The following SV2C variants were observed in gnomAD, a reference collection of about 807,000 sequenced individuals.
SV2C encodes the protein solute carrier family 22 member B3.
Under a neutral mutation model 79.7 loss-of-function variants are expected in SV2C, and 49 were observed. The ratio of observed to expected loss-of-function variants is 0.61; its 90% CI spans 0.49 to 0.78. The LOEUF (loss-of-function observed/expected upper bound fraction) is 0.78, where lower values mean the gene tolerates loss of function less well. Among genes scored for constraint, SV2C ranks in the 30% least tolerant of loss-of-function variants. SV2C has a pLI of 0.00. For missense variants in SV2C, 833 were observed against 912.9 expected, an observed-to-expected ratio of 0.91 and a Z score of 1.13; for synonymous variants, 334 against 333.2, an observed-to-expected ratio of 1.00 and a Z score of -0.03.
chr5:76,020,039 C>G, the SV2C span, among the ~76,000 whole-genome samples: 2 of 152,132 alleles, frequency 1.3e-5, no homozygotes, highest in African/African-American at 4.8e-5. Context: ...CCTACTGAGG[C>G]TGTGTGGGAA....
chr5:76,085,197 A>C (rs980150494), intron 1 of SV2C, among the ~76,000 whole-genome samples: 2 of 152,148 alleles, frequency 1.3e-5, no homozygotes, highest in South Asian at 4.1e-4. Context: ...TTTTCATGTG[A>C]ACGCCTAGGT....
intron 4 of SV2C, among the ~76,000 whole-genome samples, chr5:76,215,286 C>T (rs1259374434): frequency 6.6e-6 from 1 of 151,890 alleles, no homozygotes; most frequent in Admixed American, 6.6e-5. Context: ...CTGCTGGGAC[C>T]CTAGAACTTG....
At chr5:75,852,326 A>ATTATT in the SV2C span, among the ~76,000 whole-genome samples, 1 of 152,204 alleles carries the variant, frequency 6.6e-6, no homozygotes, top group African/African-American at 2.4e-5. Flanking sequence ...TAATTTAAAA[A>ATTATT]GTCAATTTAC....
At chr5:76,043,440 C>T in the SV2C span, among the ~76,000 whole-genome samples, 1 of 152,208 alleles carries the variant, frequency 6.6e-6, no homozygotes, top group African/African-American at 2.4e-5. Flanking sequence ...AAAAGTCACT[C>T]ATAGCTAGTA....
At chr5:76,310,935 G>A (rs181815156) in intron 12 of SV2C, among the ~76,000 whole-genome samples, 60 of 152,332 alleles carry the variant, frequency 3.9e-4, no homozygotes, top group African/African-American at 1.4e-3. Context: ...TAGCCTGGAA[G>A]CAAGTGGTCA....
the SV2C span, among the ~76,000 whole-genome samples, chr5:75,857,369 C>A: frequency 6.6e-6 from 1 of 151,980 alleles, no homozygotes; most frequent in Non-Finnish European, 1.5e-5. Flanking sequence ...AGAGTTATTC[C>A]TCTCCCCATT....
the SV2C span, among the ~76,000 whole-genome samples, chr5:75,892,312 C>T: frequency 1.1e-3 from 167 of 151,954 alleles, 1 homozygote; most frequent in Non-Finnish European, 9.0e-4. Flanking sequence ...TACATGTATA[C>T]GATGTGCAGT....
At chr5:76,242,311 G>T in intron 4 of SV2C, 1 of 1,467,406 alleles carries the variant, frequency 6.8e-7, no homozygotes, top group Non-Finnish European at 9.4e-7. Context: ...CGGCAGCGAC[G>T]GCAGCGGGAC....
chr5:76,347,145 G>A (rs1242696482), intron 12 of SV2C, among the ~76,000 whole-genome samples: 1 of 152,030 alleles, frequency 6.6e-6, no homozygotes, highest in African/African-American at 2.4e-5. Flanking sequence ...CCAAATTGAC[G>A]GCACGCTCAG....
the SV2C span, among the ~76,000 whole-genome samples, chr5:75,972,570 GA>G: frequency 6.6e-6 from 1 of 152,096 alleles, no homozygotes; most frequent in Non-Finnish European, 1.5e-5. Flanking sequence ...AAAAACACAT[GA>G]AAAAATGCTC....
chr5:76,050,483 C>T, the SV2C span, among the ~76,000 whole-genome samples: 10 of 152,140 alleles, frequency 6.6e-5, no homozygotes, highest in Non-Finnish European at 1.2e-4. Context: ...CAAGGTTCCC[C>T]CACAAGGGCT....
At chr5:76,129,606 A>G (rs1210031137) in intron 1 of SV2C, among the ~76,000 whole-genome samples, 1 of 152,218 alleles carries the variant, frequency 6.6e-6, no homozygotes, top group East Asian at 1.9e-4. Flanking sequence ...CTTGCCTCTT[A>G]CAGAGGTGGC....
the SV2C span, among the ~76,000 whole-genome samples, chr5:75,957,172 T>C: frequency 1.3e-5 from 2 of 151,914 alleles, no homozygotes; most frequent in African/African-American, 4.8e-5. Context: ...GCCTAGAAGC[T>C]CCTAAAATTT....
chr5:76,120,517 C>T (rs1169081294), intron 1 of SV2C, among the ~76,000 whole-genome samples: 2 of 106,086 alleles, frequency 1.9e-5, no homozygotes, highest in South Asian at 4.0e-4. Context: ...TCCCTCCCCC[C>T]TCCCCCCACC....
the SV2C span, among the ~76,000 whole-genome samples, chr5:75,869,582 C>T: frequency 2.6e-5 from 4 of 152,178 alleles, no homozygotes; most frequent in African/African-American, 9.7e-5. Flanking sequence ...TGGGAGGACT[C>T]ACCACCCTGA....
At chr5:75,934,312 T>C in the SV2C span, among the ~76,000 whole-genome samples, 1 of 144,510 alleles carries the variant, frequency 6.9e-6, no homozygotes, top group South Asian at 2.2e-4. Flanking sequence ...CTTTTTTTTT[T>C]TTTTTTTCAC....
At chr5:76,166,805 A>G (rs1743060057) in intron 2 of SV2C, among the ~76,000 whole-genome samples, 3 of 152,202 alleles carry the variant, frequency 2.0e-5, no homozygotes, top group South Asian at 2.1e-4. Context: ...AATGTCACAG[A>G]CCAAGCTTTC....
At chr5:76,190,928 A>G (rs893757530) in intron 2 of SV2C, among the ~76,000 whole-genome samples, 3 of 152,166 alleles carry the variant, frequency 2.0e-5, no homozygotes, top group Non-Finnish European at 4.4e-5. Context: ...ACCTAAGAAG[A>G]TCTGCATATA....
At chr5:76,276,190 G>T (rs191522034) in intron 4 of SV2C, among the ~76,000 whole-genome samples, 16 of 152,260 alleles carry the variant, frequency 1.1e-4, no homozygotes, top group Non-Finnish European at 2.2e-4. Flanking sequence ...GAGAATTGAT[G>T]GCTGAGTAGT....
Sources: allele counts gnomAD v4.1 joint callset (sites outside exome capture counted in the v4.1 genomes callset), GRCh38; gene constraint gnomAD v4.1.1; transcripts MANE v1.5; gene names NCBI Gene and HGNC (gene_info 2026-07-23, HGNC 2026-07-21).